Variants in TAF4 observed in about 807,000 individuals in gnomAD.
The protein encoded by TAF4 is TATA-box binding protein associated factor 4.
A neutral mutation model predicts 90.3 loss-of-function variants in TAF4; 9 were observed. The ratio of observed to expected loss-of-function variants is 0.10; its 90% CI spans 0.06 to 0.17. The LOEUF is 0.17. TAF4 is among the 10% of genes least tolerant of loss of function. The probability of loss-of-function intolerance (pLI) is 1.00; values close to 1 mark genes in which losing one functional copy is unlikely to be tolerated. For synonymous variants in TAF4, 818 were observed against 638.9 expected (o/e 1.28, Z -4.23); for missense variants, 1,351 against 1,370.7 (o/e 0.99, Z 0.23).
intron 1 of TAF4, among the ~76,000 whole-genome samples, chr20:62,062,280 T>C (rs951039324): frequency 1.3e-5 from 2 of 152,250 alleles, no homozygotes; most frequent in Admixed American, 6.5e-5. Flanking sequence ...TAATATTCTC[T>C]GATCAATCGA....
chr20:62,007,769 G>C, intron 5 of TAF4, 133 bp from the exon 6 acceptor site: 1 of 814,224 alleles, frequency 1.2e-6, no homozygotes, highest in Non-Finnish European at 1.9e-6. Context: ...AGATGGGAAA[G>C]TCTGCGTGCT....
chr20:62,010,653 T>G lies in TAF4; in HGVS notation c.1642-488A>C, dbSNP rs1005540174. Among the ~76,000 whole-genome samples, 2 of 152,082 alleles carry G rather than the reference T, an allele frequency of 1.3e-5. No homozygotes were observed. The highest frequency in any genetic ancestry group is 2.1e-4 in the South Asian group (1 of 4,818). ...CCATAGGGGAGGGTCCCCAGCTCCC[T>G]GCAATCACCCAAACCCACCTTTCTT... On this transcript the variant is annotated intron_variant, in intron 3 of 14. Transcript: ENST00000252996. The surrounding 1 kb of genome is among the most constrained non-coding windows in gnomAD (Gnocchi z 4.5).
At chr20:62,014,441 CCTCA>C in intron 2 of TAF4, 102 bp downstream of exon 2, 1 of 1,388,626 alleles carries the variant, frequency 7.2e-7, no homozygotes, top group Non-Finnish European at 9.5e-7. Flanking sequence ...ACTTCCCAGT[CCTCA>C]CTCCCATGGC....
intron 1 of TAF4, among the ~76,000 whole-genome samples, chr20:62,041,911 T>C (rs1416813935): frequency 2.0e-5 from 3 of 148,028 alleles, no homozygotes; most frequent in Admixed American, 1.3e-4. Context: ...TGAGGCCCTA[T>C]CTCCTAAAAA....
chr20:62,011,799 G>A (rs1345864194), intron 3 of TAF4, among the ~76,000 whole-genome samples: 1 of 152,212 alleles, frequency 6.6e-6, no homozygotes, highest in Non-Finnish European at 1.5e-5. Flanking sequence ...CCACTGCCTG[G>A]CTCATGGCAG....
At chr20:61,977,118 C>T (rs932031405) in intron 14 of TAF4, among the ~76,000 whole-genome samples, 12 of 144,936 alleles carry the variant, frequency 8.3e-5, no homozygotes, top group Admixed American at 3.4e-4. Context: ...GCCACACACA[C>T]GACACCGCCC....
intron 14 of TAF4, among the ~76,000 whole-genome samples, chr20:61,979,928 A>G (rs572336752): frequency 6.6e-6 from 1 of 152,350 alleles, no homozygotes; most frequent in African/African-American, 2.4e-5. Context: ...GCAATGGCGC[A>G]AAACAGAGCC....
At position 62,064,956 on chromosome 20, in the gene TAF4, G is replaced by T; in HGVS notation, c.855C>A (p.Gly285=). The T allele has an allele frequency of 4.5e-6, 2 of 446,350 alleles. No individual in the cohort carries two copies. Among genetic ancestry groups the T allele is most frequent in the East Asian group, 1.8e-4 (1 of 5,520 alleles). 27.6% of individuals were successfully genotyped at this position (446,350 alleles called of 1,614,324 possible). A position where few individuals can be genotyped will look rare whatever the true frequency, so the allele number is the denominator to read the frequency against. Residue 285 remains glycine, a synonymous_variant, in exon 1 of 15, where the codon GGC becomes GGA. Transcript: ENST00000252996. Reference sequence around the variant, plus strand: ...CGGCGGTCGGGGGTCCGGCGGGGTGGCCGGGCGGCCGGGCCAGAGTGGCGG... The same window carrying T: ...CGGCGGTCGGGGGTCCGGCGGGGTGTCCGGGCGGCCGGGCCAGAGTGGCGG... ...PAPATLARPP[G]HPAGPPTAAP...
chr20:61,989,292 T>A (rs1364062779), intron 14 of TAF4, among the ~76,000 whole-genome samples: 2 of 84,640 alleles, frequency 2.4e-5, no homozygotes, highest in Non-Finnish European at 4.8e-5. Flanking sequence ...CACCAGACTC[T>A]ACTAGAGGAA....
Position 61,989,207 on chromosome 20 carries a change from T to C in TAF4, c.3090+8343A>G, listed in dbSNP as rs955980066. Among the ~76,000 whole-genome samples, 15 of 152,096 alleles carry C rather than the reference T, an allele frequency of 9.9e-5. No homozygotes were observed. In the South Asian group the frequency reaches 1.9e-3, roughly 19 times the overall value. On this transcript the variant is annotated intron_variant, in intron 14 of 14. Transcript: ENST00000252996. Reference sequence around the variant, plus strand: ...CCCTACATGCATTTGGGTCCCGAGCTCTGGCTGCTGGCACGGCCTGGGAGC... The same window carrying C: ...CCCTACATGCATTTGGGTCCCGAGCCCTGGCTGCTGGCACGGCCTGGGAGC...
chr20:61,978,648 AGGGCGAGACCAACCAAGGCCGG>A (rs1389848882), intron 14 of TAF4, among the ~76,000 whole-genome samples: 19 of 76,574 alleles, frequency 2.5e-4, no homozygotes, highest in South Asian at 4.8e-4. Flanking sequence ...ACCAAGGCCG[AGGGCGAGACCAACCAAGGCCGG>A]GGGCGAGACC....
intron 1 of TAF4, among the ~76,000 whole-genome samples, chr20:62,041,863 G>A (rs1201947742): frequency 3.3e-5 from 5 of 150,584 alleles, no homozygotes; most frequent in Non-Finnish European, 7.4e-5. Context: ...GAGCCCAGGA[G>A]TTCAAGGCAC....
intron 1 of TAF4, among the ~76,000 whole-genome samples, chr20:62,063,969 A>C (rs1256457915): frequency 1.3e-5 from 2 of 152,224 alleles, no homozygotes; most frequent in Non-Finnish European, 2.9e-5. Flanking sequence ...ACCAAGGGGC[A>C]GAAAGGCTAA....
chr20:62,034,466 G>A (rs2055921278), intron 1 of TAF4, among the ~76,000 whole-genome samples: 1 of 152,068 alleles, frequency 6.6e-6, no homozygotes, highest in Admixed American at 6.5e-5. Flanking sequence ...TGGGACTACA[G>A]GCATGCACCA....
chr20:62,014,582 T>C lies in TAF4; in HGVS notation c.1486A>G (p.Thr496Ala), dbSNP rs762209360. 10 of 1,613,582 alleles carry C rather than the reference T, an allele frequency of 6.2e-6. No homozygotes were observed. The highest frequency in any genetic ancestry group is 7.6e-6 in the Non-Finnish European group (9 of 1,179,824). Residue 496 changes from threonine (T) to alanine (A), a missense_variant, in exon 2 of 15, where the codon ACA (threonine) becomes GCA (alanine). Physicochemically the swap from Thr to Ala is moderately conservative, Grantham distance 58. Coordinates refer to ENST00000252996, the MANE Select transcript of TAF4 (RefSeq NM_003185.4). ...TTMAPRPATP[T>A]SAPPVQISTV... The stretch of plus-strand genomic sequence containing the variant: ...GAGATCTGGACGGGAGGGGCACTTG[T>C]GGGGGTGGCAGGGCGAGGCGCCATG...
intron 5 of TAF4, 185 bp from the exon 6 acceptor site, chr20:62,007,821 A>T (rs1480026736): frequency 1.8e-6 from 1 of 553,430 alleles, no homozygotes; most frequent in Non-Finnish European, 3.2e-6. Context: ...CTCACCCTGG[A>T]CACTGCAGTG....
intron 1 of TAF4, among the ~76,000 whole-genome samples, chr20:62,044,357 T>C (rs1031352262): frequency 6.6e-6 from 1 of 152,222 alleles, no homozygotes; most frequent in Admixed American, 6.5e-5. Context: ...AATATATGTG[T>C]GTATGCATGC....
At position 62,000,622 on chromosome 20, in the gene TAF4, C is replaced by G; in HGVS notation, c.2586G>C (p.Thr862=). The part of the protein sequence containing the change: ...ILATNSELVG[T]LTRSCKDETF... Reference sequence around the variant, plus strand: ...TTTCATCTTTACAGGACCGCGTTAGCGTGCCCACCAATTCAGAGTTCGTGG... The same window carrying G: ...TTTCATCTTTACAGGACCGCGTTAGGGTGCCCACCAATTCAGAGTTCGTGG... The change falls in exon 10 of 15, where the codon ACG becomes ACC. Residue 862 remains threonine, a synonymous_variant. Coordinates refer to ENST00000252996, the MANE Select transcript of TAF4 (RefSeq NM_003185.4). 6.2e-7 allele frequency: 1 copy of G among 1,614,274 alleles called. No homozygotes were observed. Among genetic ancestry groups the G allele is most frequent in the Non-Finnish European group, 8.5e-7 (1 of 1,180,052 alleles).
chr20:61,978,954 T>C (rs1247169282), intron 14 of TAF4: 2 of 153,316 alleles, frequency 1.3e-5, no homozygotes, highest in Non-Finnish European at 2.9e-5. Flanking sequence ...TCCAATTGCC[T>C]TTCTCTACAT....
Sources: gnomAD v4.1 joint callset for allele counts (sites outside exome capture counted in the v4.1 genomes callset) on GRCh38, gnomAD v4.1.1 for gene constraint, Gnocchi (gnomAD v3.1) non-coding constraint, MANE v1.5 for transcripts, NCBI Gene and HGNC (gene_info 2026-07-23, HGNC 2026-07-21) for gene names.